SMYD3: variants seen among roughly 807,000 people sequenced by gnomAD.
The protein encoded by SMYD3 is SET and MYND domain containing 3, also known as histone-lysine N-methyltransferase SMYD3.
SMYD3 carries 36 observed loss-of-function variants against 57.7 expected under a neutral mutation model. The observed-to-expected ratio is 0.62, with a 90% CI of 0.48 to 0.82. The LOEUF (loss-of-function observed/expected upper bound fraction) is 0.82, where lower values mean the gene tolerates loss of function less well. Among genes scored for constraint, SMYD3 ranks in the 40% least tolerant of loss-of-function variants. The probability of loss-of-function intolerance (pLI) is 0.00; values close to 1 mark genes in which losing one functional copy is unlikely to be tolerated. For missense variants in SMYD3, 515 were observed against 538.8 expected, an observed-to-expected ratio of 0.96 and a Z score of 0.44; for synonymous variants, 211 against 195.0, an observed-to-expected ratio of 1.08 and a Z score of -0.68.
chr1:246,318,152 G>T (rs1163147433), intron 5 of SMYD3, among the ~76,000 whole-genome samples: 5 of 152,142 alleles, frequency 3.3e-5, no homozygotes, highest in African/African-American at 1.2e-4. Flanking sequence ...GGAGGCCAAG[G>T]TAGGAGAATC....
chr1:246,060,037 G>A (rs1426152010), intron 5 of SMYD3, among the ~76,000 whole-genome samples: 2 of 151,980 alleles, frequency 1.3e-5, no homozygotes, highest in Non-Finnish European at 2.9e-5. Flanking sequence ...AATAATCCCA[G>A]CATATTAGGA....
intron 5 of SMYD3, among the ~76,000 whole-genome samples, chr1:246,243,899 T>A (rs1230510347): frequency 6.8e-6 from 1 of 146,202 alleles, no homozygotes; most frequent in South Asian, 2.3e-4. Context: ...TCCTTATTTT[T>A]AAAAAATGAA....
chr1:246,415,231 T>G (rs1572479997), intron 1 of SMYD3, among the ~76,000 whole-genome samples: 1 of 152,232 alleles, frequency 6.6e-6, no homozygotes. Flanking sequence ...AACTGCCATG[T>G]CAGCTTAAGT....
intron 10 of SMYD3, among the ~76,000 whole-genome samples, chr1:245,811,013 C>A (rs112393335): frequency 0.039 from 5,938 of 152,272 alleles, 140 homozygotes; most frequent in Non-Finnish European, 0.061. Context: ...TCTCTCCAGG[C>A]TCACTGATGC....
At chr1:246,399,509 A>AT (rs927102799) in intron 1 of SMYD3, among the ~76,000 whole-genome samples, 7 of 151,284 alleles carry the variant, frequency 4.6e-5, no homozygotes, top group East Asian at 1.9e-4. Flanking sequence ...TAATTTTTGT[A>AT]TTTTTTTTAC....
intron 10 of SMYD3, among the ~76,000 whole-genome samples, chr1:245,823,855 G>C (rs2049315458): frequency 6.6e-6 from 1 of 152,194 alleles, no homozygotes; most frequent in South Asian, 2.1e-4. Flanking sequence ...AACTCTGGCA[G>C]GGTATCAGGT....
intron 5 of SMYD3, among the ~76,000 whole-genome samples, chr1:245,943,249 C>A (rs2057319230): frequency 7.2e-6 from 1 of 138,218 alleles, no homozygotes; most frequent in Admixed American, 7.3e-5. Flanking sequence ...AGGCCACTAG[C>A]TAGACTTAAA....
chr1:246,298,037 G>A (rs968883032), intron 5 of SMYD3, among the ~76,000 whole-genome samples: 13 of 152,044 alleles, frequency 8.6e-5, no homozygotes, highest in Non-Finnish European at 1.8e-4. Context: ...AGGGGGATGG[G>A]ACAGTCTAGC....
intron 5 of SMYD3, among the ~76,000 whole-genome samples, chr1:246,054,620 T>C (rs1447441359): frequency 6.6e-6 from 1 of 151,582 alleles, no homozygotes; most frequent in Non-Finnish European, 1.5e-5. Flanking sequence ...GCGAAAACAG[T>C]TGGATGTAAG....
Position 245,927,918 on chromosome 1 carries a change from T to G in SMYD3, c.702+13A>C. The G allele has an allele frequency of 6.2e-7, 1 of 1,603,082 alleles. No individual in the cohort carries two copies. The highest frequency in any genetic ancestry group is 8.5e-7 in the Non-Finnish European group (1 of 1,172,864). On this transcript the variant is annotated intron_variant, in intron 7 of 11. Transcript: ENST00000490107. ...GGAAAGAAGGCCAGGCTGGGAAGCA[T>G]GAGTTTCCTTACCTCCTCTCCCACC... is the stretch of plus-strand genomic sequence containing the variant.
intron 5 of SMYD3, among the ~76,000 whole-genome samples, chr1:246,220,018 G>A (rs141633174): frequency 2.6e-5 from 4 of 152,288 alleles, no homozygotes; most frequent in East Asian, 1.9e-4. Context: ...CAAGTCCCAC[G>A]AGGGTGTCAG....
chr1:246,207,354 T>C (rs970185438), intron 5 of SMYD3, among the ~76,000 whole-genome samples: 10 of 152,140 alleles, frequency 6.6e-5, no homozygotes, highest in Admixed American at 2.0e-4. Flanking sequence ...CCTTCCACGT[T>C]TTCATCGTTA....
At chr1:246,488,359 T>C (rs2103066298) in intron 1 of SMYD3, among the ~76,000 whole-genome samples, 1 of 152,180 alleles carries the variant, frequency 6.6e-6, no homozygotes, top group East Asian at 1.9e-4. Flanking sequence ...AAGTGAAGGG[T>C]GCTCAGAAAA....
At chr1:245,891,789 T>C (rs2148584186) in intron 8 of SMYD3, among the ~76,000 whole-genome samples, 1 of 152,214 alleles carries the variant, frequency 6.6e-6, no homozygotes, top group Middle Eastern at 3.4e-3. Context: ...ACACCTGTAA[T>C]CCCAACAGTT....
At chr1:246,411,537 G>A (rs1330455444) in intron 1 of SMYD3, among the ~76,000 whole-genome samples, 1 of 152,152 alleles carries the variant, frequency 6.6e-6, no homozygotes, top group African/African-American at 2.4e-5. Context: ...TATGTTTATT[G>A]TGGCACTATT....
Position 246,269,556 on chromosome 1 carries a change from G to T in SMYD3, c.531+57645C>A, listed in dbSNP as rs139415351. 1.0e-2 allele frequency among the ~76,000 whole-genome samples: 1,033 copies of T among 103,732 alleles called. 1 individual carries two copies. The highest frequency in any genetic ancestry group is 0.019 in the South Asian group (58 of 3,072). 68.1% of individuals were successfully genotyped at this position (103,732 alleles called of 152,430 possible). A position where few individuals can be genotyped will look rare whatever the true frequency, so the allele number is the denominator to read the frequency against. On this transcript the variant is annotated intron_variant, in intron 5 of 11. Coordinates refer to ENST00000490107, the MANE Select transcript of SMYD3 (RefSeq NM_001167740.2). Reference sequence around the variant, plus strand: ...TTCTTTTTTTTTCTTTTTTTTTTTTGTTTTTGTTGTTTTGTTTTGTTTTGT... The same window carrying T: ...TTCTTTTTTTTTCTTTTTTTTTTTTTTTTTTGTTGTTTTGTTTTGTTTTGT...
chr1:246,349,592 A>G (rs750947213), intron 2 of SMYD3, among the ~76,000 whole-genome samples: 29 of 151,782 alleles, frequency 1.9e-4, no homozygotes, highest in Non-Finnish European at 3.4e-4. Context: ...TGGGTGACAG[A>G]GAGAGATCCC....
chr1:246,266,752 G>A (rs1036869433), intron 5 of SMYD3, among the ~76,000 whole-genome samples: 2 of 151,836 alleles, frequency 1.3e-5, no homozygotes, highest in Admixed American at 6.6e-5. Flanking sequence ...AGCCGAGATT[G>A]CACCAGTGCA....
At chr1:246,315,826 A>G (rs1430904328) in intron 5 of SMYD3, among the ~76,000 whole-genome samples, 1 of 152,240 alleles carries the variant, frequency 6.6e-6, no homozygotes, top group African/African-American at 2.4e-5. Context: ...AGATGCTTTA[A>G]AAGAATCTGG....
Sources: gnomAD v4.1 joint callset for allele counts (sites outside exome capture counted in the v4.1 genomes callset) on GRCh38, gnomAD v4.1.1 for gene constraint, MANE v1.5 for transcripts, NCBI Gene and HGNC (gene_info 2026-07-23, HGNC 2026-07-21) for gene names.